VAT1L: variants seen among roughly 807,000 people sequenced by gnomAD.
VAT1L encodes the protein putative NADPH-dependent quinone oxidoreductase VAT1L.
Under a neutral mutation model 44.1 loss-of-function variants are expected in VAT1L, and 34 were observed. The observed-to-expected ratio is 0.77, with a 90% CI of 0.59 to 1.03. VAT1L has a LOEUF of 1.03. Ranked by LOEUF, VAT1L falls within the 50% of genes least tolerant of loss-of-function variation. VAT1L has a pLI of 0.00. For synonymous variants in VAT1L, 253 were observed against 202.2 expected (o/e 1.25, Z -2.13); for missense variants, 615 against 538.8 (o/e 1.14, Z -1.40).
At chr16:77,940,049 G>A (rs796354675) in intron 7 of VAT1L, among the ~76,000 whole-genome samples, 1 of 152,130 alleles carries the variant, frequency 6.6e-6, no homozygotes, top group South Asian at 2.1e-4. Context: ...TCCAAGGCAG[G>A]AGAAAGAAAA....
intron 3 of VAT1L, among the ~76,000 whole-genome samples, chr16:77,834,565 C>T (rs1015318087): frequency 3.3e-5 from 5 of 152,054 alleles, no homozygotes; most frequent in Non-Finnish European, 4.4e-5. Flanking sequence ...CTGGGAAGCC[C>T]GTGTTAAAGA....
At chr16:77,958,605 A>C (rs554711792) in intron 7 of VAT1L, among the ~76,000 whole-genome samples, 1 of 152,208 alleles carries the variant, frequency 6.6e-6, no homozygotes, top group African/African-American at 2.4e-5. Context: ...GCTTTAGTTC[A>C]AAACACAATA....
intron 7 of VAT1L, chr16:77,893,006 A>G: frequency 4.8e-6 from 3 of 630,154 alleles, no homozygotes; most frequent in South Asian, 3.5e-5. Flanking sequence ...GCAGTATCCT[A>G]TCATCTTTGT....
At chr16:77,838,885 C>A (rs2016670415) in intron 3 of VAT1L, among the ~76,000 whole-genome samples, 1 of 151,866 alleles carries the variant, frequency 6.6e-6, no homozygotes, top group Non-Finnish European at 1.5e-5. Context: ...TCTCTCCACC[C>A]CCCACCCCCA....
chr16:77,964,974 G>A (rs564098087), intron 7 of VAT1L, among the ~76,000 whole-genome samples: 217 of 151,910 alleles, frequency 1.4e-3, no homozygotes, highest in Middle Eastern at 3.4e-3. Context: ...ATTTTTAGTA[G>A]AGACAGGGTT....
chr16:77,960,396 G>A (rs954450553), intron 7 of VAT1L, among the ~76,000 whole-genome samples: 2 of 152,116 alleles, frequency 1.3e-5, no homozygotes, highest in Admixed American at 6.5e-5. Flanking sequence ...CAACAGGGAT[G>A]TTGAGATGCC....
At chr16:77,855,039 C>G (rs927599507) in intron 3 of VAT1L, among the ~76,000 whole-genome samples, 2 of 152,088 alleles carry the variant, frequency 1.3e-5, no homozygotes, top group African/African-American at 4.8e-5. Context: ...AGTCCAAGTT[C>G]CCATTTTAAA....
chr16:77,964,149 C>G (rs1032253015), intron 7 of VAT1L, among the ~76,000 whole-genome samples: 1 of 152,166 alleles, frequency 6.6e-6, no homozygotes, highest in Non-Finnish European at 1.5e-5. Context: ...CCCTGAATCC[C>G]TATTGCTCAG....
At chr16:77,802,464 A>T (rs1003689033) in intron 1 of VAT1L, among the ~76,000 whole-genome samples, 1 of 152,092 alleles carries the variant, frequency 6.6e-6, no homozygotes, top group Non-Finnish European at 1.5e-5. Context: ...AAAATACAAA[A>T]ATTAGCCAGG....
intron 7 of VAT1L, among the ~76,000 whole-genome samples, chr16:77,957,563 A>G (rs1011678778): frequency 5.3e-5 from 8 of 151,940 alleles, no homozygotes; most frequent in South Asian, 2.1e-4. Flanking sequence ...CGTCTCTACT[A>G]AAAATACAAA....
At chr16:77,799,582 G>A (rs1333816949) in intron 1 of VAT1L, among the ~76,000 whole-genome samples, 2 of 149,822 alleles carry the variant, frequency 1.3e-5, no homozygotes, top group Non-Finnish European at 1.5e-5. Context: ...AAAAGGAGAG[G>A]GTAAATACTC....
intron 1 of VAT1L, among the ~76,000 whole-genome samples, chr16:77,793,021 A>G (rs2015862360): frequency 6.6e-6 from 1 of 152,212 alleles, no homozygotes; most frequent in Non-Finnish European, 1.5e-5. Context: ...ATTTTGAGAC[A>G]GGCATAGCAA....
At chr16:77,849,049 G>A (rs531649356) in intron 3 of VAT1L, among the ~76,000 whole-genome samples, 227 of 152,198 alleles carry the variant, frequency 1.5e-3, no homozygotes, top group Admixed American at 2.6e-3. Context: ...AAGGGGTGGC[G>A]GACTAGGGGA....
intron 7 of VAT1L, among the ~76,000 whole-genome samples, chr16:77,934,843 T>C (rs2017773696): frequency 6.6e-6 from 1 of 152,162 alleles, no homozygotes; most frequent in Non-Finnish European, 1.5e-5. Flanking sequence ...CCAGGTCTTA[T>C]ATCAGACAAT....
intron 3 of VAT1L, among the ~76,000 whole-genome samples, chr16:77,852,176 T>C (rs1377168904): frequency 1.3e-5 from 2 of 152,158 alleles, no homozygotes; most frequent in Non-Finnish European, 2.9e-5. Context: ...CCCTCAAACA[T>C]ACCATGAGGT....
At chr16:77,864,418 C>A (rs2016948549) in intron 4 of VAT1L, among the ~76,000 whole-genome samples, 1 of 151,854 alleles carries the variant, frequency 6.6e-6, no homozygotes, top group Non-Finnish European at 1.5e-5. Flanking sequence ...CATAGTGAAG[C>A]TCGATCTCTA....
chr16:77,918,834 C>T (rs1249895782), intron 7 of VAT1L, among the ~76,000 whole-genome samples: 1 of 152,072 alleles, frequency 6.6e-6, no homozygotes, highest in African/African-American at 2.4e-5. Flanking sequence ...GTTCAGAACG[C>T]ATAGCAGAAC....
intron 7 of VAT1L, among the ~76,000 whole-genome samples, chr16:77,919,132 G>GTGTGCA (rs1298438638): frequency 6.6e-6 from 1 of 151,924 alleles, no homozygotes; most frequent in Admixed American, 6.5e-5. Flanking sequence ...GGGTGTGTGT[G>GTGTGCA]TGTGCATGTG....
intron 5 of VAT1L, among the ~76,000 whole-genome samples, chr16:77,877,022 A>G (rs2017095179): frequency 6.6e-6 from 1 of 151,934 alleles, no homozygotes. Context: ...CCCACTCTTA[A>G]GACAGAAGCC....
Sources: allele counts gnomAD v4.1 joint callset (sites outside exome capture counted in the v4.1 genomes callset), GRCh38; gene constraint gnomAD v4.1.1; transcripts MANE v1.5; gene names NCBI Gene and HGNC (gene_info 2026-07-23, HGNC 2026-07-21).